ADAM33: variants seen among roughly 807,000 people sequenced by gnomAD.
ADAM33 encodes the protein disintegrin and metalloproteinase domain-containing protein 33.
Under a neutral mutation model 106.2 loss-of-function variants are expected in ADAM33, and 103 were observed. The observed-to-expected ratio is 0.97, with a 90% CI of 0.83 to 1.14. The LOEUF (loss-of-function observed/expected upper bound fraction) is 1.14, where lower values mean the gene tolerates loss of function less well. ADAM33 is among the 50% of genes most tolerant of loss of function. The pLI is 0.00. For synonymous variants in ADAM33, 483 were observed against 453.0 expected (o/e 1.07, Z -0.84); for missense variants, 1,120 against 1,096.6 (o/e 1.02, Z -0.30).
chr20:3,670,418 G>A (rs931998757), intron 19 of ADAM33: 1 of 161,966 alleles, frequency 6.2e-6, no homozygotes, highest in Non-Finnish European at 1.4e-5. Flanking sequence ...TGAGTCCTAG[G>A]ACAGCCATGC....
rs2087346281 is a variant in ADAM33, at chr20:3,668,866, T to C, written c.*97A>G. ...CCAAGCTGCCTGCAGGTGCTGGAGG[T>C]CCGGTGATTCACTGGCTCTGCCCCT... On this transcript the variant is annotated 3_prime_UTR_variant, in exon 22 of 22. Transcript: ENST00000356518. The C allele has an allele frequency of 1.4e-6, 2 of 1,421,102 alleles. No individual in the cohort carries two copies. The highest frequency in any genetic ancestry group is 9.9e-7 in the Non-Finnish European group (1 of 1,008,918). 88.0% of individuals were successfully genotyped at this position (1,421,102 alleles called of 1,614,324 possible).
Position 3,674,584 on chromosome 20 carries a change from T to G in ADAM33, c.520A>C (p.Thr174Pro), listed in dbSNP as rs1014352190. Residue 174 changes from threonine to proline, a missense_variant, in exon 6 of 22, where the codon ACC becomes CCC. Thr to Pro is a conservative substitution (Grantham distance 38, BLOSUM62 -1). Transcript: ENST00000356518. Reference sequence around the variant, plus strand: ...CTGTGGCCACAGGTTCCTTTCCAGGTGAGCAGCTGCTCCATCCGAAAGATC... The same window carrying G: ...CTGTGGCCACAGGTTCCTTTCCAGGGGAGCAGCTGCTCCATCCGAAAGATC... Reference protein sequence around the residue: ...HEIFRMEQLLTWKGTCGHRDP... With the variant: ...HEIFRMEQLLPWKGTCGHRDP... 5.6e-6 allele frequency: 9 copies of G among 1,613,178 alleles called. No individual in the cohort carries two copies. In the African/African-American group the frequency reaches 1.2e-4, roughly 22 times the overall value.
chr20:3,673,141 G>T, intron 11 of ADAM33: 8 of 1,480,694 alleles, frequency 5.4e-6, no homozygotes, highest in Non-Finnish European at 7.2e-6. Flanking sequence ...GAGTAACCTC[G>T]CCAGGTTACT....
In ADAM33 at chr20:3,672,810, C is replaced by T; in HGVS notation, c.1222G>A (p.Ala408Thr). Residue 408 changes from alanine to threonine, a missense_variant, in exon 12 of 22, where the codon GCC (alanine) becomes ACC (threonine). Coordinates refer to ENST00000356518, the MANE Select transcript of ADAM33 (RefSeq NM_025220.5). ...RKGGGACLSN[A>T]PDPGLPVPPA... ...GGCACCGGGAGTCCGGGGTCCGGGG[C>T]ATTGGAGAGGCAAGCGCCGCCCCCC... The T allele has an allele frequency of 6.3e-7, 1 of 1,578,224 alleles. No individual in the cohort carries two copies. The highest frequency in any genetic ancestry group is 1.1e-5 in the South Asian group (1 of 88,206).
At chr20:3,674,421 C>G in intron 6 of ADAM33, 83 bp downstream of exon 6, 1 of 1,600,512 alleles carries the variant, frequency 6.2e-7, no homozygotes, top group Non-Finnish European at 8.5e-7. Context: ...TACTGGGACT[C>G]GAGGCCTGTG....
chr20:3,668,984 C>T lies in ADAM33; in HGVS notation c.2421G>A (p.Met807Ile). 6.2e-7 allele frequency: 1 copy of T among 1,612,962 alleles called. No homozygotes were observed. Among genetic ancestry groups the T allele is most frequent in the Non-Finnish European group, 8.5e-7 (1 of 1,179,834 alleles). Reference protein sequence around the residue: ...SPDPQADQVQMPRSCLW With the variant: ...SPDPQADQVQIPRSCLW ...CCTCTCACCAGAGGCAGGATCTTGG[C>T]ATCTGGACTTGATCTGCTGAGAATG... Residue 807 changes from methionine to isoleucine, a missense_variant, in exon 22 of 22, where the codon ATG becomes ATA. By Grantham distance (10) the Met-to-Ile change is conservative. Coordinates refer to ENST00000356518, the MANE Select transcript of ADAM33 (RefSeq NM_025220.5).
chr20:3,678,988 C>A (rs2088210965), intron 2 of ADAM33, among the ~76,000 whole-genome samples: 1 of 152,010 alleles, frequency 6.6e-6, no homozygotes. Flanking sequence ...GGAGAGTGAC[C>A]ACTGCCCCCC....
rs1343209967 is a variant in ADAM33, at chr20:3,672,831, C to T, written c.1201G>A (p.Gly401Ser). 3 of 1,576,752 alleles carry T rather than the reference C, an allele frequency of 1.9e-6. No homozygotes were observed. Among genetic ancestry groups the T allele is most frequent in the Non-Finnish European group, 2.6e-6 (3 of 1,168,248 alleles). Reference protein sequence around the residue: ...RQLRAFFRKGGGACLSNAPDP... With the variant: ...RQLRAFFRKGSGACLSNAPDP... ...GGGGCATTGGAGAGGCAAGCGCCGC[C>T]CCCCTTGCGGAAGAAGGCGCGCAGC... The change falls in exon 12 of 22, where the codon GGC (glycine) becomes AGC (serine). Residue 401 changes from glycine to serine, a missense_variant. Physicochemically the swap from Gly to Ser is moderately conservative, Grantham distance 56. Coordinates refer to ENST00000356518, the MANE Select transcript of ADAM33 (RefSeq NM_025220.5).
chr20:3,679,562 G>A lies in ADAM33; in HGVS notation c.107C>T (p.Pro36Leu), dbSNP rs138340389. 81 of 1,608,602 alleles carry A rather than the reference G, an allele frequency of 5.0e-5. No individual in the cohort carries two copies. Among genetic ancestry groups the A allele is most frequent in the Non-Finnish European group, 6.3e-5 (74 of 1,177,676 alleles). ...CCAGTGCGGGGTGACTGGCTGCCCA[G>A]GGATATGTCCTGGAGTAAAGACAGA... ...PGAGVLQGHIPGQPVTPHWVL... is the reference protein window; with the variant it reads ...PGAGVLQGHILGQPVTPHWVL... Residue 36 changes from proline to leucine, a missense_variant, in exon 2 of 22, where the codon CCT becomes CTT. Transcript: ENST00000356518.
chr20:3,680,221 A>G (rs2088364063), intron 1 of ADAM33, among the ~76,000 whole-genome samples: 1 of 149,798 alleles, frequency 6.7e-6, no homozygotes, highest in African/African-American at 2.5e-5. Context: ...CATTACTCAG[A>G]GGGCGCCTGG....
intron 1 of ADAM33, 45 bp from the exon 2 acceptor site, chr20:3,679,616 C>T: frequency 6.5e-7 from 1 of 1,547,998 alleles, no homozygotes; most frequent in Non-Finnish European, 8.8e-7. Context: ...CTGAGGAACA[C>T]AGGGGCATGG....
chr20:3,679,372 A>G, intron 2 of ADAM33, 120 bp downstream of exon 2: 1 of 990,836 alleles, frequency 1.0e-6, no homozygotes, highest in Non-Finnish European at 1.5e-6. Context: ...AGGGGCCTAT[A>G]GGAGTAGTGA....
chr20:3,674,971 G>T (rs2146414442), intron 4 of ADAM33, 56 bp downstream of exon 4: 3 of 1,611,800 alleles, frequency 1.9e-6, no homozygotes, highest in Non-Finnish European at 2.5e-6. Flanking sequence ...GTAGGGGTAG[G>T]AATGGTGGGG....
At position 3,672,180 on chromosome 20, in the gene ADAM33, G is replaced by A. The variant is rs1262724387; in HGVS notation, c.1551C>T (p.Gly517=). The change falls in exon 14 of 22, where the codon GGC becomes GGT. Residue 517 remains glycine (G), a synonymous_variant. Transcript: ENST00000356518. ...CARGSGYCWD[G]ACPTLEQQCQ... is the part of the protein sequence containing the mutation. ...ACTGCTGCTCCAGCGTGGGACATGC[G>A]CCATCCCAGCAGTAGCCACTGCCCC... 4 of 1,613,092 alleles carry A rather than the reference G, an allele frequency of 2.5e-6. No individual in the cohort carries two copies. Among genetic ancestry groups the A allele is most frequent in the Admixed American group, 3.3e-5 (2 of 60,012 alleles).
At position 3,677,155 on chromosome 20, in the gene ADAM33, A is replaced by G; in HGVS notation, c.178-12T>C. On this transcript the variant is annotated splice_polypyrimidine_tract_variant and intron_variant, in intron 2 of 21. Transcript: ENST00000356518. ...TCTGGCTTCGAGACCTGGGCAAGAA[A>G]ATGTGTGGAGCTGAGATGGTGGCCT... 6.2e-7 allele frequency: 1 copy of G among 1,600,268 alleles called. No homozygotes were observed.
At chr20:3,674,337 GAC>G in intron 6 of ADAM33, 53 bp from the exon 7 acceptor site, 1 of 1,612,078 alleles carries the variant, frequency 6.2e-7, no homozygotes. Flanking sequence ...CTTGAGCCCT[GAC>G]CACCAATCCC....
chr20:3,669,197 C>A, intron 21 of ADAM33, 102 bp downstream of exon 21: 1 of 1,248,562 alleles, frequency 8.0e-7, no homozygotes, highest in South Asian at 1.4e-5. Flanking sequence ...CCATAATAAC[C>A]TGAGCCCAGA....
At chr20:3,677,410 A>G (rs1188181389) in intron 2 of ADAM33, among the ~76,000 whole-genome samples, 1 of 152,182 alleles carries the variant, frequency 6.6e-6, no homozygotes, top group Non-Finnish European at 1.5e-5. Context: ...CATCCTCCCT[A>G]GAGACCAGAG....
intron 19 of ADAM33, 85 bp from the exon 20 acceptor site, chr20:3,669,722 G>A (rs1393361432): frequency 3.1e-6 from 4 of 1,270,148 alleles, no homozygotes; most frequent in Non-Finnish European, 4.5e-6. Context: ...GTCCAGCCCA[G>A]GGAGTTCTGC....
Sources: allele counts gnomAD v4.1 joint callset (sites outside exome capture counted in the v4.1 genomes callset), GRCh38; gene constraint gnomAD v4.1.1; transcripts MANE v1.5; gene names NCBI Gene and HGNC (gene_info 2026-07-23, HGNC 2026-07-21).